Variants in CDH13 observed in about 807,000 individuals in gnomAD.
CDH13 encodes cadherin 13.
In CDH13, 24 loss-of-function variants were observed where a neutral mutation model predicts 63.8. The observed-to-expected ratio is 0.38, with a 90% CI of 0.27 to 0.53. CDH13 has a LOEUF of 0.53. Among genes scored for constraint, CDH13 ranks in the 20% least tolerant of loss-of-function variants. CDH13 has a pLI of 0.85. For synonymous variants in CDH13, 503 were observed against 355.3 expected (o/e 1.42, Z -4.67); for missense variants, 1,049 against 903.1 (o/e 1.16, Z -2.07).
chr16:83,070,682 C>G (rs955028258), intron 3 of CDH13, among the ~76,000 whole-genome samples: 2 of 152,084 alleles, frequency 1.3e-5, no homozygotes, highest in South Asian at 2.1e-4. Flanking sequence ...AGATGATTGA[C>G]CTTCAATTAC....
At chr16:82,638,103 C>G (rs976231274) in intron 1 of CDH13, among the ~76,000 whole-genome samples, 6 of 152,214 alleles carry the variant, frequency 3.9e-5, no homozygotes, top group Non-Finnish European at 8.8e-5. Context: ...TTTCATCTGC[C>G]TTGCCTCCCT....
intron 1 of CDH13, among the ~76,000 whole-genome samples, chr16:82,677,462 T>TTTTTG (rs1914063517): frequency 6.6e-6 from 1 of 150,522 alleles, no homozygotes; most frequent in Non-Finnish European, 1.5e-5. Flanking sequence ...TTTTTTTTTT[T>TTTTTG]TGGTTTTTAA....
chr16:83,462,865 A>C (rs183499372), intron 6 of CDH13, among the ~76,000 whole-genome samples: 75 of 152,190 alleles, frequency 4.9e-4, no homozygotes, highest in African/African-American at 1.8e-3. Flanking sequence ...TGTCCAATAA[A>C]AGTTTATGTA....
At chr16:83,587,567 C>G (rs913173627) in intron 7 of CDH13, among the ~76,000 whole-genome samples, 1 of 152,144 alleles carries the variant, frequency 6.6e-6, no homozygotes, top group Non-Finnish European at 1.5e-5. Context: ...GATTAGAAAA[C>G]ATACAGAGAG....
rs919322520 is a variant in CDH13, at chr16:83,522,132, G to A, written c.960+35477G>A. Among the ~76,000 whole-genome samples, 27 of 152,204 alleles carry A rather than the reference G, an allele frequency of 1.8e-4. 1 individual carries two copies. The highest frequency in any genetic ancestry group is 5.8e-4 in the African/African-American group (24 of 41,466). On this transcript the variant is annotated intron_variant, in intron 7 of 13. Transcript: ENST00000567109. The stretch of plus-strand genomic sequence containing the variant: ...AGGTCCAGCTCTCTGCCCACCGGGT[G>A]CTGTCTGTTTAGAGGAGCCAGCTCT...
chr16:83,760,228 G>A (rs932725130), intron 11 of CDH13, among the ~76,000 whole-genome samples: 1 of 152,194 alleles, frequency 6.6e-6, no homozygotes, highest in Non-Finnish European at 1.5e-5. Flanking sequence ...GCAATGGTGT[G>A]AAATAATTGG....
chr16:82,818,966 T>C (rs561305920), intron 1 of CDH13, among the ~76,000 whole-genome samples: 1 of 152,332 alleles, frequency 6.6e-6, no homozygotes, highest in Admixed American at 6.5e-5. Context: ...GGATCAGTAA[T>C]CATAAACTGT....
intron 3 of CDH13, among the ~76,000 whole-genome samples, chr16:83,117,951 C>T (rs533065356): frequency 6.6e-6 from 1 of 152,182 alleles, no homozygotes; most frequent in African/African-American, 2.4e-5. Context: ...TGCCCTAAGA[C>T]AGGAAGATGA....
chr16:82,939,089 C>G (rs1049804967), intron 2 of CDH13, among the ~76,000 whole-genome samples: 1 of 152,190 alleles, frequency 6.6e-6, no homozygotes, highest in Non-Finnish European at 1.5e-5. Context: ...TGGCAAGACA[C>G]TGACAGCATC....
chr16:83,010,896 T>C (rs1914085619), intron 2 of CDH13, among the ~76,000 whole-genome samples: 2 of 152,336 alleles, frequency 1.3e-5, no homozygotes, highest in South Asian at 2.1e-4. Flanking sequence ...GAAACTTAAA[T>C]GTAATTTCTT....
chr16:82,973,299 C>G (rs1341301449), intron 2 of CDH13, among the ~76,000 whole-genome samples: 1 of 152,206 alleles, frequency 6.6e-6, no homozygotes. Flanking sequence ...CCGTCCTTCT[C>G]CTTTGCTCAC....
intron 6 of CDH13, among the ~76,000 whole-genome samples, chr16:83,479,131 G>A (rs1005395322): frequency 4.6e-5 from 7 of 152,222 alleles, no homozygotes; most frequent in African/African-American, 1.7e-4. Flanking sequence ...GGAAGCGGAT[G>A]CATGCATATG....
intron 11 of CDH13, among the ~76,000 whole-genome samples, chr16:83,753,401 A>T (rs753754240): frequency 1.1e-4 from 16 of 152,240 alleles, no homozygotes; most frequent in South Asian, 2.1e-4. Flanking sequence ...AAAATTAGTC[A>T]TGCACAGTGG....
intron 2 of CDH13, among the ~76,000 whole-genome samples, chr16:82,965,292 A>G (rs1196173397): frequency 3.3e-5 from 5 of 152,160 alleles, no homozygotes; most frequent in Admixed American, 6.5e-5. Flanking sequence ...GAGCTAGCAA[A>G]GAGAATGCTC....
intron 4 of CDH13, among the ~76,000 whole-genome samples, chr16:83,216,431 T>TATATATATAA (rs1567514108): frequency 8.6e-6 from 1 of 116,336 alleles, no homozygotes; most frequent in East Asian, 2.5e-4. Context: ...TATATATATA[T>TATATATATAA]ATATATATAT....
At chr16:83,006,904 T>TTTG (rs1913562697) in intron 2 of CDH13, among the ~76,000 whole-genome samples, 1 of 142,026 alleles carries the variant, frequency 7.0e-6, no homozygotes, top group African/African-American at 2.7e-5. Context: ...TTTTGATTTT[T>TTTG]TTTGTTTGTT....
At chr16:83,171,146 C>T (rs1281066748) in intron 4 of CDH13, among the ~76,000 whole-genome samples, 1 of 152,046 alleles carries the variant, frequency 6.6e-6, no homozygotes, top group African/African-American at 2.4e-5. Flanking sequence ...TCTGGGGAGG[C>T]CTTAGGAAAC....
intron 2 of CDH13, among the ~76,000 whole-genome samples, chr16:82,994,615 T>C (rs532112332): frequency 6.6e-6 from 1 of 152,358 alleles, no homozygotes; most frequent in South Asian, 2.1e-4. Context: ...AATATTCACT[T>C]ATTTTCCCTC....
chr16:83,132,019 G>C (rs1030097277), intron 4 of CDH13, among the ~76,000 whole-genome samples: 3 of 152,176 alleles, frequency 2.0e-5, no homozygotes, highest in Admixed American at 1.3e-4. Context: ...CTGATTCTTA[G>C]AGGTCTCACT....
Sources: gnomAD v4.1 joint callset for allele counts (sites outside exome capture counted in the v4.1 genomes callset) on GRCh38, gnomAD v4.1.1 for gene constraint, MANE v1.5 for transcripts, NCBI Gene and HGNC (gene_info 2026-07-23, HGNC 2026-07-21) for gene names.